The following FCRL2 variants were observed in gnomAD, a reference collection of about 807,000 sequenced individuals.
FCRL2 encodes Fc receptor like 2.
A neutral mutation model predicts 59.8 loss-of-function variants in FCRL2; 48 were observed. The ratio of observed to expected loss-of-function variants is 0.80; its 90% confidence interval spans 0.64 to 1.02. FCRL2 has a LOEUF of 1.02. Ranked by LOEUF, FCRL2 falls within the 50% of genes least tolerant of loss-of-function variation. The pLI, the probability that FCRL2 is intolerant of heterozygous loss-of-function variation, is 0.00. For missense variants in FCRL2, 658 were observed against 597.3 expected, an observed-to-expected ratio of 1.10 and a Z score of -1.06; for synonymous variants, 251 against 229.5, an observed-to-expected ratio of 1.09 and a Z score of -0.85.
chr1:157,753,092 T>A (rs1648322202), intron 7 of FCRL2, among the ~76,000 whole-genome samples: 1 of 152,172 alleles, frequency 6.6e-6, no homozygotes, highest in African/African-American at 2.4e-5. Flanking sequence ...CAAAGTTAGA[T>A]CTGAATAGTA....
At chr1:157,772,201 A>C (rs1650074235) in intron 2 of FCRL2, among the ~76,000 whole-genome samples, 1 of 151,810 alleles carries the variant, frequency 6.6e-6, no homozygotes, top group African/African-American at 2.4e-5. Flanking sequence ...TTCCTCCACA[A>C]ACAGGAAAGA....
rs1649685048 is a variant in FCRL2, at chr1:157,768,311, A to T, written c.883+103T>A. 3.2e-6 allele frequency: 4 copies of T among 1,251,044 alleles called. No individual in the cohort carries two copies. The East Asian group carries it at 9.3e-5, about 29-fold the overall frequency. The allele number at this position is 1,251,044 out of a possible 1,614,324, so 77.5% of individuals were successfully genotyped here. Reference sequence around the variant, plus strand: ...ATTTTCAAATTGCTTTTGGTTCTCCACAGCACTAATCCCTGGGGCCTCCTG... The same window carrying T: ...ATTTTCAAATTGCTTTTGGTTCTCCTCAGCACTAATCCCTGGGGCCTCCTG... On this transcript the variant is annotated intron_variant, in intron 5 of 11. Transcript: ENST00000361516.
chr1:157,750,069 G>A (rs1322737152), intron 7 of FCRL2, among the ~76,000 whole-genome samples: 1 of 152,092 alleles, frequency 6.6e-6, no homozygotes, highest in Middle Eastern at 3.2e-3. Flanking sequence ...TAGATTTTAT[G>A]CAGCCATTCT....
chr1:157,752,060 G>A (rs993241081), intron 7 of FCRL2, among the ~76,000 whole-genome samples: 7 of 152,216 alleles, frequency 4.6e-5, no homozygotes, highest in Non-Finnish European at 1.0e-4. Context: ...GTGGGTGGGA[G>A]GTGAGTGCTT....
At chr1:157,774,645 C>T (rs565530492) in intron 2 of FCRL2, among the ~76,000 whole-genome samples, 2 of 152,300 alleles carry the variant, frequency 1.3e-5, no homozygotes, top group African/African-American at 2.4e-5. Flanking sequence ...GAATATTGAT[C>T]GAGGTTTCCT....
At chr1:157,747,016 C>T in intron 10 of FCRL2, 117 bp from the exon 11 acceptor site, 3 of 1,088,904 alleles carry the variant, frequency 2.8e-6, no homozygotes, top group Non-Finnish European at 2.7e-6. Flanking sequence ...CCCATTTTCT[C>T]CTGTTCTGTA....
chr1:157,752,575 A>G (rs1267382170), intron 7 of FCRL2, among the ~76,000 whole-genome samples: 1 of 152,252 alleles, frequency 6.6e-6, no homozygotes, highest in East Asian at 1.9e-4. Context: ...CAGGGAAAAT[A>G]TAATCCTCTA....
rs776675210 is a variant in FCRL2 at position 157,766,872 on chromosome 1, A to G, written c.1262T>C (p.Leu421Ser). 3.1e-6 allele frequency: 5 copies of G among 1,614,228 alleles called. No individual in the cohort carries two copies. In the South Asian group the frequency reaches 5.5e-5, roughly 18 times the overall value. ...FTGVALLLYA[L>S]FHKISGESSA... Reference sequence around the variant, plus strand: ...GATACAACCTGATATCTTGTGGAACAAGGCATACAACAGCAAAGCAACACC... The same window carrying G: ...GATACAACCTGATATCTTGTGGAACGAGGCATACAACAGCAAAGCAACACC... The change falls in exon 7 of 12, where the codon TTG becomes TCG. Residue 421 changes from leucine to serine, a missense_variant. Transcript: ENST00000361516.
At chr1:157,775,866 C>A (rs763506807) in intron 1 of FCRL2, 71 bp from the exon 2 acceptor site, 29 of 1,532,364 alleles carry the variant, frequency 1.9e-5, no homozygotes, top group Middle Eastern at 1.7e-4. Flanking sequence ...TTATATTACT[C>A]TGGTAAATTG....
rs969331263 is a variant in FCRL2, at chr1:157,750,631, C to T, written c.1280-954G>A. 9.9e-5 allele frequency among the ~76,000 whole-genome samples: 15 copies of T among 152,154 alleles called. No homozygotes were observed. In the East Asian group the frequency reaches 2.9e-3, roughly 29 times the overall value. On this transcript the variant is annotated intron_variant, in intron 7 of 11. Coordinates refer to ENST00000361516, the MANE Select transcript of FCRL2 (RefSeq NM_030764.4). ...ACAGAAAACAGTGCTAGAAAATTAACTTTGATTTAGTTTTCCAAGGAGAAG... is the reference window on the plus strand; with the variant it reads ...ACAGAAAACAGTGCTAGAAAATTAATTTTGATTTAGTTTTCCAAGGAGAAG...
At position 157,748,561 on chromosome 1, in the gene FCRL2, T is replaced by C; in HGVS notation, c.1451A>G (p.Glu484Gly). ...ACTTTGCAGTTTCTCACCTGAGCTT[T>C]CTGGCTGCTGCATGCTCCAGACCTG... Reference protein sequence around the residue: ...YSQVWSMQQPESSANIRTLLE... With the variant: ...YSQVWSMQQPGSSANIRTLLE... The change falls in exon 10 of 12, where the codon GAA becomes GGA. Residue 484 changes from glutamate to glycine, a missense_variant. Transcript: ENST00000361516. 1 of 1,613,806 alleles carries C rather than the reference T, an allele frequency of 6.2e-7. No homozygotes were observed. The highest frequency in any genetic ancestry group is 8.5e-7 in the Non-Finnish European group (1 of 1,179,732).
chr1:157,773,300 A>G (rs141542581), intron 2 of FCRL2, among the ~76,000 whole-genome samples: 5 of 152,312 alleles, frequency 3.3e-5, no homozygotes, highest in African/African-American at 1.2e-4. Context: ...GAAGCACACA[A>G]TGGTGCTGGC....
In FCRL2 at chr1:157,768,445, G is replaced by C; in HGVS notation, c.852C>G (p.Ile284Met). Reference sequence around the variant, plus strand: ...CAGGGATATTCACCACCTTGCTCTGGATAGGCACATGGCCGTTGTCAGCTC... The same window carrying C: ...CAGGGATATTCACCACCTTGCTCTGCATAGGCACATGGCCGTTGTCAGCTC... ...YCRADNGHVPIQSKVVNIPVR... is the reference protein window; with the variant it reads ...YCRADNGHVPMQSKVVNIPVR... Residue 284 changes from isoleucine to methionine, a missense_variant, in exon 5 of 12, where the codon ATC (isoleucine) becomes ATG (methionine). Physicochemically the swap from Ile to Met is conservative, Grantham distance 10. Transcript: ENST00000361516. 1 of 1,614,164 alleles carries C rather than the reference G, an allele frequency of 6.2e-7. No homozygotes were observed. Among genetic ancestry groups the C allele is most frequent in the Non-Finnish European group, 8.5e-7 (1 of 1,180,014 alleles).
In FCRL2 at chr1:157,775,799, TGAG is replaced by T. The variant is rs764780345; in HGVS notation, c.32-7_32-5del. On this transcript the variant is annotated splice_polypyrimidine_tract_variant and splice_region_variant and intron_variant, in intron 1 of 11. Transcript: ENST00000361516. ...CCTGCCTGTTCAGTGACTGCATCTG[TGAG>T]GAGATCAAAAGCCAGAGATTAGCAC... is the stretch of plus-strand genomic sequence containing the variant. 3 of 1,613,866 alleles carry T rather than the reference TGAG, an allele frequency of 1.9e-6. No individual in the cohort carries two copies. Among genetic ancestry groups the T allele is most frequent in the Non-Finnish European group, 1.7e-6 (2 of 1,179,960 alleles).
chr1:157,767,825 T>G, intron 5 of FCRL2: 1 of 777,450 alleles, frequency 1.3e-6, no homozygotes, highest in South Asian at 3.1e-5. Flanking sequence ...AGGAAATAAT[T>G]TTAAGATTTC....
At chr1:157,760,267 C>T (rs1557859929) in intron 7 of FCRL2, among the ~76,000 whole-genome samples, 1 of 151,988 alleles carries the variant, frequency 6.6e-6, no homozygotes, top group African/African-American at 2.4e-5. Context: ...AAGAAGAGTA[C>T]AACAGATGCT....
intron 1 of FCRL2, among the ~76,000 whole-genome samples, chr1:157,776,840 G>A (rs552414211): frequency 6.6e-6 from 1 of 152,300 alleles, no homozygotes; most frequent in South Asian, 2.1e-4. Flanking sequence ...TGAACATTAA[G>A]CATTGTGCTT....
chr1:157,753,854 G>T (rs535138786), intron 7 of FCRL2, among the ~76,000 whole-genome samples: 2 of 152,152 alleles, frequency 1.3e-5, no homozygotes, highest in Non-Finnish European at 2.9e-5. Context: ...CAACACTCAA[G>T]GAATTCTCAG....
intron 7 of FCRL2, among the ~76,000 whole-genome samples, chr1:157,757,859 G>T (rs984845864): frequency 5.3e-5 from 8 of 152,218 alleles, no homozygotes; most frequent in African/African-American, 1.9e-4. Context: ...CTACTGGGGA[G>T]GATGAGGCAG....
Sources: gnomAD v4.1 joint callset for allele counts (sites outside exome capture counted in the v4.1 genomes callset) on GRCh38, gnomAD v4.1.1 for gene constraint, MANE v1.5 for transcripts, NCBI Gene and HGNC (gene_info 2026-07-23, HGNC 2026-07-21) for gene names.